PRKCH: variants seen among roughly 807,000 people sequenced by gnomAD.
PRKCH encodes the protein protein kinase C eta.
In PRKCH, 28 loss-of-function variants were observed where a neutral mutation model predicts 82.5. The ratio of observed to expected loss-of-function variants is 0.34; its 90% confidence interval spans 0.25 to 0.47. PRKCH has a LOEUF of 0.47. Ranked by LOEUF, PRKCH falls within the 20% of genes least tolerant of loss-of-function variation. The probability of loss-of-function intolerance (pLI) is 1.00; values close to 1 mark genes in which losing one functional copy is unlikely to be tolerated. For missense variants in PRKCH, 705 were observed against 881.8 expected (o/e 0.80, Z 2.54); for synonymous variants, 322 against 327.4 (o/e 0.98, Z 0.18).
intron 9 of PRKCH, among the ~76,000 whole-genome samples, chr14:61,482,507 C>T (rs1347003760): frequency 2.6e-5 from 4 of 152,092 alleles, no homozygotes; most frequent in Non-Finnish European, 5.9e-5. Context: ...TACCTGGTGA[C>T]GTTATTTGAG....
chr14:61,512,781 C>A (rs1088684), intron 10 of PRKCH, among the ~76,000 whole-genome samples: 2 of 151,930 alleles, frequency 1.3e-5, no homozygotes, highest in Non-Finnish European at 2.9e-5. Flanking sequence ...GCTTTTGTAC[C>A]TACAAGCCCA....
intron 1 of PRKCH, among the ~76,000 whole-genome samples, chr14:61,205,909 C>G (rs2044519863): frequency 6.6e-6 from 1 of 152,290 alleles, no homozygotes; most frequent in South Asian, 2.1e-4. Context: ...TCTTCCTTCT[C>G]TGTCCCATTT....
rs949045217 is a variant in PRKCH at position 61,395,795 on chromosome 14, T to C, written c.427+4507T>C. Among the ~76,000 whole-genome samples the C allele has an allele frequency of 3.9e-5, 6 of 152,132 alleles. No individual in the cohort carries two copies. In the South Asian group the frequency reaches 6.2e-4, roughly 16 times the overall value. On this transcript the variant is annotated intron_variant, in intron 2 of 13. Coordinates refer to ENST00000332981, the MANE Select transcript of PRKCH (RefSeq NM_006255.5). ...GTTCGTTTTATCTTAACATTGACTT[T>C]ATGGCCAGGCGTGGTGTCTCACACC...
At chr14:61,487,967 C>T (rs1396311285) in intron 10 of PRKCH, among the ~76,000 whole-genome samples, 2 of 152,094 alleles carry the variant, frequency 1.3e-5, no homozygotes, top group African/African-American at 2.4e-5. Context: ...TCCTGGCTAA[C>T]ACCCTGAAAC....
At position 61,453,293 on chromosome 14, in the gene PRKCH, G is replaced by A. The variant is rs771832540; in HGVS notation, c.900G>A (p.Val300=). 11 of 1,614,044 alleles carry A rather than the reference G, an allele frequency of 6.8e-6. No homozygotes were observed. The African/African-American group carries it at 9.3e-5, about 14-fold the overall frequency. ...CCCCTAACTGTGGGGTAAATGCGGTGGAACTTGCCAAGACCCTGGCAGGGA... is the reference window on the plus strand; with the variant it reads ...CCCCTAACTGTGGGGTAAATGCGGTAGAACTTGCCAAGACCCTGGCAGGGA... The part of the protein sequence containing the change: ...NVAPNCGVNA[V]ELAKTLAGMG... Residue 300 remains valine, a synonymous_variant, in exon 7 of 14, where the codon GTG becomes GTA. Coordinates refer to ENST00000332981, the MANE Select transcript of PRKCH (RefSeq NM_006255.5).
At chr14:61,229,147 T>A (rs1360429518) in intron 1 of PRKCH, among the ~76,000 whole-genome samples, 1 of 152,084 alleles carries the variant, frequency 6.6e-6, no homozygotes, top group African/African-American at 2.4e-5. Flanking sequence ...CAAATGGAAA[T>A]AATCTAAATA....
intron 1 of PRKCH, among the ~76,000 whole-genome samples, chr14:61,259,631 A>G (rs1263105542): frequency 6.6e-6 from 1 of 152,228 alleles, no homozygotes; most frequent in Non-Finnish European, 1.5e-5. Flanking sequence ...AGTCATACAC[A>G]TTATACTGTG....
intron 10 of PRKCH, among the ~76,000 whole-genome samples, chr14:61,512,434 A>C (rs1887421088): frequency 6.6e-6 from 1 of 152,076 alleles, no homozygotes; most frequent in African/African-American, 2.4e-5. Flanking sequence ...GCCGATTCCT[A>C]GTAAAAAATT....
intron 1 of PRKCH, among the ~76,000 whole-genome samples, chr14:61,241,336 T>C (rs2044835097): frequency 6.6e-6 from 1 of 152,158 alleles, no homozygotes; most frequent in Non-Finnish European, 1.5e-5. Context: ...GGCAGGGTTT[T>C]ATGGAAGCCT....
intron 1 of PRKCH, among the ~76,000 whole-genome samples, chr14:61,200,772 C>T (rs905323369): frequency 2.4e-5 from 3 of 127,556 alleles, no homozygotes; most frequent in African/African-American, 1.0e-4. Flanking sequence ...GTTAAGTGTT[C>T]TATTTTATTA....
intron 1 of PRKCH, among the ~76,000 whole-genome samples, chr14:61,217,100 G>A (rs866402245): frequency 1.3e-4 from 20 of 152,286 alleles, no homozygotes; most frequent in Admixed American, 9.2e-4. Context: ...AAGAGAGAGC[G>A]AGAGACAGAC....
At chr14:61,352,686 AAAGG>A (rs969771472) in intron 1 of PRKCH, among the ~76,000 whole-genome samples, 1 of 101,138 alleles carries the variant, frequency 9.9e-6, no homozygotes, top group African/African-American at 3.7e-5. Flanking sequence ...GAGAGAAAGG[AAAGG>A]AAAGAAAGAA....
In PRKCH at chr14:61,549,450, C is replaced by T. The variant is rs553452206; in HGVS notation, c.1906-235C>T. Among the ~76,000 whole-genome samples, 30 of 152,310 alleles carry T rather than the reference C, an allele frequency of 2.0e-4. No homozygotes were observed. The South Asian group carries it at 2.7e-3, about 14-fold the overall frequency. ...TTAGCCTCCCATTAAGACAGGCCTG[C>T]TCAGCAAGATTTTCATGGGATTAGT... On this transcript the variant is annotated intron_variant, in intron 13 of 13. Transcript: ENST00000332981.
chr14:61,256,317 G>A (rs1016005981), intron 1 of PRKCH, among the ~76,000 whole-genome samples: 1 of 152,110 alleles, frequency 6.6e-6, no homozygotes, highest in African/African-American at 2.4e-5. Flanking sequence ...CTCCTGTCGT[G>A]ACCTCCTTTA....
chr14:61,193,741 C>G (rs142888832), intron 1 of PRKCH, among the ~76,000 whole-genome samples: 448 of 152,224 alleles, frequency 2.9e-3, no homozygotes, highest in African/African-American at 9.1e-3. Context: ...GAAATCTGCT[C>G]AAAAAGGAGG....
intron 1 of PRKCH, among the ~76,000 whole-genome samples, chr14:61,285,614 C>T (rs1475202455): frequency 2.6e-5 from 4 of 152,210 alleles, no homozygotes; most frequent in Non-Finnish European, 5.9e-5. Flanking sequence ...CTTACAGTCA[C>T]TGCGTAAACA....
chr14:61,254,473 G>A (rs952869149), intron 1 of PRKCH, among the ~76,000 whole-genome samples: 7 of 152,012 alleles, frequency 4.6e-5, no homozygotes, highest in African/African-American at 1.2e-4. Context: ...TTAATTAGCC[G>A]GGTGTGGTGG....
chr14:61,269,688 T>A (rs965870422), intron 1 of PRKCH, among the ~76,000 whole-genome samples: 1 of 152,154 alleles, frequency 6.6e-6, no homozygotes, highest in African/African-American at 2.4e-5. Context: ...TAAGAGCAGA[T>A]TTTTTTTGCT....
intron 6 of PRKCH, 191 bp from the exon 7 acceptor site, chr14:61,453,035 C>T: frequency 1.5e-6 from 1 of 645,880 alleles, no homozygotes; most frequent in Non-Finnish European, 2.6e-6. Flanking sequence ...CTTTCTGCTT[C>T]TGCAGAAAAC....
Sources: allele counts gnomAD v4.1 joint callset (sites outside exome capture counted in the v4.1 genomes callset), GRCh38; gene constraint gnomAD v4.1.1; transcripts MANE v1.5; gene names NCBI Gene and HGNC (gene_info 2026-07-23, HGNC 2026-07-21).